SLC24A2: variants seen among roughly 807,000 people sequenced by gnomAD.
SLC24A2 encodes sodium/potassium/calcium exchanger 2.
SLC24A2 carries 36 observed loss-of-function variants against 62.0 expected under a neutral mutation model. The ratio of observed to expected loss-of-function variants is 0.58; its 90% CI spans 0.44 to 0.77. The LOEUF is 0.77. Among genes scored for constraint, SLC24A2 ranks in the 30% least tolerant of loss-of-function variants. SLC24A2 has a pLI of 0.00. For missense variants in SLC24A2, 846 were observed against 817.9 expected (o/e 1.03, Z -0.42); for synonymous variants, 358 against 294.0 (o/e 1.22, Z -2.23).
the SLC24A2 span, among the ~76,000 whole-genome samples, chr9:20,022,584 C>A: frequency 1.4e-3 from 211 of 152,286 alleles, 5 homozygotes; most frequent in South Asian, 0.022. Context: ...CGTCCACGTG[C>A]TTACTGTCTC....
At chr9:19,991,849 C>T in the SLC24A2 span, among the ~76,000 whole-genome samples, 1 of 152,138 alleles carries the variant, frequency 6.6e-6, no homozygotes, top group East Asian at 1.9e-4. Flanking sequence ...TCAAAATAGA[C>T]ATGAGCAAGA....
the SLC24A2 span, among the ~76,000 whole-genome samples, chr9:20,189,563 T>A: frequency 6.7e-4 from 102 of 152,310 alleles, 1 homozygote; most frequent in East Asian, 4.2e-3. Context: ...GAAATCCACC[T>A]GACATTATGA....
the SLC24A2 span, among the ~76,000 whole-genome samples, chr9:19,947,804 A>AGAAAG: frequency 3.7e-4 from 8 of 21,694 alleles, no homozygotes; most frequent in African/African-American, 9.2e-4. Context: ...AAAAAAAAAA[A>AGAAAG]AAAAAAAGAA....
At chr9:19,688,800 T>C (rs1819959900) in intron 2 of SLC24A2, among the ~76,000 whole-genome samples, 1 of 152,108 alleles carries the variant, frequency 6.6e-6, no homozygotes, top group Admixed American at 6.6e-5. Flanking sequence ...GCCTCTTATT[T>C]TGCATGTCCC....
At position 19,785,991 on chromosome 9, in the gene SLC24A2, T is replaced by A; in HGVS notation, c.876A>T (p.Gln292His). The A allele has an allele frequency of 6.2e-7, 1 of 1,614,184 alleles. No homozygotes were observed. Among genetic ancestry groups the A allele is most frequent in the Non-Finnish European group, 8.5e-7 (1 of 1,179,998 alleles). ...FNVQVEKWVKQMINRNKVVKV... is the reference protein window; with the variant it reads ...FNVQVEKWVKHMINRNKVVKV... ...TGACGACCTTATTGCGGTTTATCAT[T>A]TGCTTCACCCATTTTTCTACTTGGA... The change falls in exon 2 of 11, where the codon CAA becomes CAT. Residue 292 changes from glutamine to histidine, a missense_variant. Physicochemically the swap from Gln to His is conservative, Grantham distance 24 (BLOSUM62 0). Transcript: ENST00000341998.
the SLC24A2 span, among the ~76,000 whole-genome samples, chr9:20,096,723 A>C: frequency 2.7e-5 from 4 of 150,036 alleles, no homozygotes; most frequent in East Asian, 8.1e-4. Flanking sequence ...TTGGAGTTTT[A>C]TTTCTTTGGC....
At chr9:20,079,114 T>TA in the SLC24A2 span, among the ~76,000 whole-genome samples, 2 of 144,972 alleles carry the variant, frequency 1.4e-5, no homozygotes, top group Admixed American at 1.3e-4. Context: ...TAATTGTCCT[T>TA]ACAGCAGCCA....
At chr9:19,645,325 A>T (rs1447401168) in intron 2 of SLC24A2, among the ~76,000 whole-genome samples, 1 of 152,170 alleles carries the variant, frequency 6.6e-6, no homozygotes, top group African/African-American at 2.4e-5. Flanking sequence ...TAAAATTATT[A>T]TTATCATTTT....
intron 2 of SLC24A2, among the ~76,000 whole-genome samples, chr9:19,631,314 G>T (rs998361689): frequency 1.3e-5 from 2 of 152,146 alleles, no homozygotes; most frequent in African/African-American, 4.8e-5. Flanking sequence ...CCTGGCATTT[G>T]ATACTGCGAG....
chr9:20,258,835 G>A, the SLC24A2 span, among the ~76,000 whole-genome samples: 9,294 of 125,518 alleles, frequency 0.074, 318 homozygotes, highest in Middle Eastern at 0.08. Flanking sequence ...CTATCTATCT[G>A]TCTATCTATC....
the SLC24A2 span, among the ~76,000 whole-genome samples, chr9:19,812,318 C>G: frequency 6.6e-6 from 1 of 151,918 alleles, no homozygotes; most frequent in Non-Finnish European, 1.5e-5. Flanking sequence ...TTATGTTAAA[C>G]TTTGTATTAT....
the SLC24A2 span, among the ~76,000 whole-genome samples, chr9:20,170,010 T>C: frequency 9.9e-5 from 15 of 151,924 alleles, no homozygotes; most frequent in African/African-American, 3.4e-4. Context: ...CAGGAAACAA[T>C]TGGCACACTT....
intron 2 of SLC24A2, among the ~76,000 whole-genome samples, chr9:19,710,080 G>T (rs1224245435): frequency 6.6e-6 from 1 of 152,046 alleles, no homozygotes; most frequent in African/African-American, 2.4e-5. Flanking sequence ...CCTGTGGAAG[G>T]ATGTCTTTGG....
At chr9:20,258,314 G>A in the SLC24A2 span, among the ~76,000 whole-genome samples, 1 of 152,206 alleles carries the variant, frequency 6.6e-6, no homozygotes, top group Non-Finnish European at 1.5e-5. Context: ...TCCCTCCTCT[G>A]TTCAAAGAGA....
At chr9:19,546,939 G>A (rs867349234) in intron 8 of SLC24A2, among the ~76,000 whole-genome samples, 1 of 152,084 alleles carries the variant, frequency 6.6e-6, no homozygotes, top group Non-Finnish European at 1.5e-5. Flanking sequence ...GTAGGGGAGA[G>A]AATTTCCTGA....
At chr9:19,737,633 TAAG>T (rs1429832040) in intron 2 of SLC24A2, among the ~76,000 whole-genome samples, 5 of 151,988 alleles carry the variant, frequency 3.3e-5, no homozygotes, top group African/African-American at 9.7e-5. Flanking sequence ...TTATAAAAAA[TAAG>T]AAACATCTAG....
chr9:20,133,495 CAAAT>C, the SLC24A2 span, among the ~76,000 whole-genome samples: 4 of 152,084 alleles, frequency 2.6e-5, no homozygotes, highest in Admixed American at 2.0e-4. Flanking sequence ...AAATTAAACA[CAAAT>C]AATAATTAAG....
chr9:20,021,066 A>C, the SLC24A2 span, among the ~76,000 whole-genome samples: 3 of 152,224 alleles, frequency 2.0e-5, no homozygotes, highest in African/African-American at 7.2e-5. Flanking sequence ...GCACATGTAT[A>C]TTCATATAAA....
chr9:19,659,254 A>C (rs1374397772), intron 2 of SLC24A2, among the ~76,000 whole-genome samples: 1 of 152,156 alleles, frequency 6.6e-6, no homozygotes, highest in Non-Finnish European at 1.5e-5. Context: ...GAAGCTAAGA[A>C]GAGGTGAGGA....
Sources: gnomAD v4.1 joint callset for allele counts (sites outside exome capture counted in the v4.1 genomes callset) on GRCh38, gnomAD v4.1.1 for gene constraint, MANE v1.5 for transcripts, NCBI Gene and HGNC (gene_info 2026-07-23, HGNC 2026-07-21) for gene names.